BCL2: variants seen among roughly 807,000 people sequenced by gnomAD.
The protein encoded by BCL2 is BCL2 apoptosis regulator.
Under a neutral mutation model 14.2 loss-of-function variants are expected in BCL2, and 1 was observed. That is an observed-to-expected ratio of 0.07 (90% CI 0.02 to 0.33). BCL2 has a LOEUF of 0.33. Among genes scored for constraint, BCL2 ranks in the 10% least tolerant of loss-of-function variants. The pLI is 0.99. For synonymous variants in BCL2, 151 were observed against 137.2 expected, an observed-to-expected ratio of 1.10 and a Z score of -0.70; for missense variants, 247 against 305.9, an observed-to-expected ratio of 0.81 and a Z score of 1.44.
At chr18:63,196,480 A>T (rs1909448348) in intron 2 of BCL2, among the ~76,000 whole-genome samples, 1 of 152,194 alleles carries the variant, frequency 6.6e-6, no homozygotes, top group African/African-American at 2.4e-5. Flanking sequence ...TTCTCGATGG[A>T]AAGAAACCAT....
intron 2 of BCL2, among the ~76,000 whole-genome samples, chr18:63,260,572 G>A (rs931667537): frequency 3.3e-5 from 5 of 152,216 alleles, no homozygotes; most frequent in Non-Finnish European, 7.3e-5. Flanking sequence ...AACCAGGCCA[G>A]AACAGTGCCT....
chr18:63,159,025 A>C lies in BCL2; in HGVS notation c.586-30266T>G, dbSNP rs1354481262. Among the ~76,000 whole-genome samples the C allele has an allele frequency of 2.0e-5, 3 of 152,314 alleles. No individual in the cohort carries two copies. The East Asian group carries it at 5.8e-4, about 29-fold the overall frequency. On this transcript the variant is annotated intron_variant, in intron 2 of 2. Transcript: ENST00000333681. Reference sequence around the variant, plus strand: ...TCTGACTAGAGGCAGGGCTGGGCCCACTGAGTGTCACCAAAATCACAAAAA... The same window carrying C: ...TCTGACTAGAGGCAGGGCTGGGCCCCCTGAGTGTCACCAAAATCACAAAAA...
At chr18:63,161,846 C>G (rs1245812895) in intron 2 of BCL2, 1 of 152,208 alleles carries the variant, frequency 6.6e-6, no homozygotes, top group Non-Finnish European at 1.5e-5. Context: ...TCTCTCTTAC[C>G]TCCATGTGTA....
rs769635292 is a variant in BCL2 at position 63,318,328 on chromosome 18, G to A, written c.339C>T (p.Ala113=). 5.0e-6 allele frequency: 8 copies of A among 1,613,274 alleles called. No homozygotes were observed. The highest frequency in any genetic ancestry group is 3.3e-5 in the Admixed American group (2 of 59,968). ...TCAGGTGCAGCTGGCTGGACATCTC[G>A]GCGAAGTCGCGGCGGTAGCGGCGGG... is the stretch of plus-strand genomic sequence containing the variant. The part of the protein sequence containing the change: ...DFSRRYRRDF[A]EMSSQLHLTP... The change falls in exon 2 of 3, where the codon GCC becomes GCT. Residue 113 remains alanine (A), a synonymous_variant. Transcript: ENST00000333681. The surrounding 1 kb of genome is among the most constrained non-coding windows in gnomAD (Gnocchi z 7.4).
chr18:63,169,367 TTC>T (rs776272218), intron 2 of BCL2, among the ~76,000 whole-genome samples: 14,622 of 31,854 alleles, frequency 0.46, 3,270 homozygotes, highest in African/African-American at 0.63. Context: ...CTTTCTTTCT[TTC>T]TCTTTCTTTC....
rs556580303 is a variant in BCL2 at position 63,300,738 on chromosome 18, C to T, written c.585+17344G>A. On this transcript the variant is annotated intron_variant, in intron 2 of 2. Transcript: ENST00000333681. Reference sequence around the variant, plus strand: ...GAATCACTAAGATTGTCCTGTGCTACGATCCAGCGAGAACTCCAGGAGCCG... The same window carrying T: ...GAATCACTAAGATTGTCCTGTGCTATGATCCAGCGAGAACTCCAGGAGCCG... Among the ~76,000 whole-genome samples, 25 of 152,290 alleles carry T rather than the reference C, an allele frequency of 1.6e-4. No homozygotes were observed. The South Asian group carries it at 4.4e-3, about 27-fold the overall frequency.
intron 2 of BCL2, chr18:63,317,577 G>A: frequency 1.0e-6 from 1 of 989,844 alleles, no homozygotes; most frequent in Non-Finnish European, 1.2e-6. Context: ...GATGCCCTTG[G>A]TCTTCTGTGG....
chr18:63,251,687 C>T (rs1246516850), intron 2 of BCL2, among the ~76,000 whole-genome samples: 1 of 149,106 alleles, frequency 6.7e-6, no homozygotes, highest in Non-Finnish European at 1.5e-5. Context: ...GTGACTGACA[C>T]TAAGGAAGGT....
At position 63,211,063 on chromosome 18, in the gene BCL2, C is replaced by CTTTTT. The variant is rs59302545; in HGVS notation, c.586-82309_586-82305dup. Among the ~76,000 whole-genome samples, 361 of 59,110 alleles carry CTTTTT rather than the reference C, an allele frequency of 6.1e-3. 1 individual carries two copies. The highest frequency in any genetic ancestry group is 0.016 in the African/African-American group (227 of 14,234). 38.8% of individuals were successfully genotyped at this position (59,110 alleles called of 152,430 possible). A position where few individuals can be genotyped will look rare whatever the true frequency, so the allele number is the denominator to read the frequency against. On this transcript the variant is annotated intron_variant, in intron 2 of 2. Coordinates refer to ENST00000333681, the MANE Select transcript of BCL2 (RefSeq NM_000633.3). ...TCTTCCCATCTTTTTCTTTTCATTT[C>CTTTTT]TTTTTTTTTTTTTTTTTTTTTTTTT...
intron 2 of BCL2, among the ~76,000 whole-genome samples, chr18:63,157,158 T>TA (rs924155899): frequency 1.3e-5 from 2 of 152,200 alleles, no homozygotes; most frequent in African/African-American, 4.8e-5. Context: ...GCCTCTTGTG[T>TA]AAAAAACCAG....
At chr18:63,199,595 T>C (rs550309610) in intron 2 of BCL2, among the ~76,000 whole-genome samples, 179 of 145,848 alleles carry the variant, frequency 1.2e-3, no homozygotes, top group Non-Finnish European at 1.8e-3. Context: ...AGACACAACA[T>C]AGACACACAT....
rs1010738022 is a variant in BCL2, at chr18:63,319,648, G to A, written c.-761C>T. On this transcript the variant is annotated 5_prime_UTR_variant, in exon 1 of 3. Coordinates refer to ENST00000333681, the MANE Select transcript of BCL2 (RefSeq NM_000633.3). ...GGGACGGAGGCAGGAATCCTCTTCTGATTAAACTCCGAACAGCAAATGCAT... is the reference window on the plus strand; with the variant it reads ...GGGACGGAGGCAGGAATCCTCTTCTAATTAAACTCCGAACAGCAAATGCAT... 16 of 222,392 alleles carry A rather than the reference G, an allele frequency of 7.2e-5. No individual in the cohort carries two copies. Among genetic ancestry groups the A allele is most frequent in the Admixed American group, 1.2e-4 (2 of 17,348 alleles). 13.8% of individuals were successfully genotyped at this position (222,392 alleles called of 1,614,324 possible). A position where few individuals can be genotyped will look rare whatever the true frequency, so the allele number is the denominator to read the frequency against.
At chr18:63,129,873 G>A (rs1407631848) in intron 2 of BCL2, among the ~76,000 whole-genome samples, 3 of 152,154 alleles carry the variant, frequency 2.0e-5, no homozygotes. Context: ...CTGTCAGGGG[G>A]TTTCTCTTGG....
intron 2 of BCL2, among the ~76,000 whole-genome samples, chr18:63,181,575 G>A (rs890820259): frequency 6.6e-6 from 1 of 152,178 alleles, no homozygotes; most frequent in Non-Finnish European, 1.5e-5. Context: ...CTGCCTTTCA[G>A]CACAGCAGAG....
At chr18:63,276,355 A>AT (rs11393921) in intron 2 of BCL2, among the ~76,000 whole-genome samples, 59,462 of 152,024 alleles carry the variant, frequency 0.39, 11,761 homozygotes, top group Middle Eastern at 0.47. Flanking sequence ...TTGAAAAAGC[A>AT]TCTGGAAATC....
chr18:63,265,326 C>A (rs1467932004), intron 2 of BCL2, among the ~76,000 whole-genome samples: 1 of 152,220 alleles, frequency 6.6e-6, no homozygotes, highest in Non-Finnish European at 1.5e-5. Context: ...TAATTTAATA[C>A]AGGACGATTT....
intron 2 of BCL2, among the ~76,000 whole-genome samples, chr18:63,195,663 C>A (rs1286090526): frequency 6.6e-6 from 1 of 152,200 alleles, no homozygotes; most frequent in African/African-American, 2.4e-5. Context: ...CTAACACACA[C>A]CCTTAGGCTG....
chr18:63,223,766 A>G (rs987063561), intron 2 of BCL2, among the ~76,000 whole-genome samples: 2 of 152,222 alleles, frequency 1.3e-5, no homozygotes, highest in Non-Finnish European at 2.9e-5. Context: ...TCTCCAACCT[A>G]TGACAGAAAC....
chr18:63,139,299 T>G (rs1317418157), intron 2 of BCL2, among the ~76,000 whole-genome samples: 1 of 152,260 alleles, frequency 6.6e-6, no homozygotes, highest in African/African-American at 2.4e-5. Context: ...AAAAATATGT[T>G]AATAGTTATG....
Sources: gnomAD v4.1 joint callset for allele counts (sites outside exome capture counted in the v4.1 genomes callset) on GRCh38, gnomAD v4.1.1 for gene constraint, Gnocchi (gnomAD v3.1) non-coding constraint, MANE v1.5 for transcripts, NCBI Gene and HGNC (gene_info 2026-07-23, HGNC 2026-07-21) for gene names.